LIN9: variants seen among roughly 807,000 people sequenced by gnomAD.
LIN9 encodes the protein lin-9 DREAM MuvB core complex component.
LIN9 carries 18 observed loss-of-function variants against 78.0 expected under a neutral mutation model. The ratio of observed to expected loss-of-function variants is 0.23; its 90% CI spans 0.16 to 0.34. The LOEUF is 0.34. LIN9 is among the 10% of genes least tolerant of loss of function. The pLI, the probability that LIN9 is intolerant of heterozygous loss-of-function variation, is 1.00. For synonymous variants in LIN9, 192 were observed against 215.2 expected, an observed-to-expected ratio of 0.89 and a Z score of 0.94; for missense variants, 451 against 644.1, an observed-to-expected ratio of 0.70 and a Z score of 3.25.
At position 226,286,381 on chromosome 1, in the gene LIN9, G is replaced by T; in HGVS notation, c.476C>A (p.Thr159Lys). ...CCGAATTTTTCCCCATTCTACTCTT[G>T]TTAACTTTCTTGTTTTCAAATTAGG... ...SFPNLKTRKLTRVEWGKIRRL... is the reference protein window; with the variant it reads ...SFPNLKTRKLKRVEWGKIRRL... Residue 159 changes from threonine to lysine, a missense_variant, in exon 6 of 15, where the codon ACA becomes AAA. Transcript: ENST00000681046. 6.2e-7 allele frequency: 1 copy of T among 1,612,462 alleles called. No individual in the cohort carries two copies. The highest frequency in any genetic ancestry group is 8.5e-7 in the Non-Finnish European group (1 of 1,179,484).
chr1:226,236,197 A>G (rs1309775192), intron 12 of LIN9, among the ~76,000 whole-genome samples: 1 of 151,964 alleles, frequency 6.6e-6, no homozygotes, highest in Non-Finnish European at 1.5e-5. Context: ...TGAAGCATAC[A>G]TAAATACATA....
chr1:226,236,886 T>C (rs1657754265), intron 12 of LIN9, among the ~76,000 whole-genome samples: 1 of 152,226 alleles, frequency 6.6e-6, no homozygotes, highest in Admixed American at 6.5e-5. Context: ...TATTAGTTGA[T>C]TGTAGTACTG....
intron 10 of LIN9, among the ~76,000 whole-genome samples, chr1:226,264,576 T>C (rs978306467): frequency 4.7e-4 from 71 of 152,258 alleles, no homozygotes; most frequent in African/African-American, 1.6e-3. Flanking sequence ...CCAGGTGCAG[T>C]AGCTCACACC....
At chr1:226,238,674 C>A (rs1657902351) in intron 12 of LIN9, among the ~76,000 whole-genome samples, 1 of 151,924 alleles carries the variant, frequency 6.6e-6, no homozygotes, top group African/African-American at 2.4e-5. Context: ...ACAATGACAA[C>A]AACAAAATTT....
intron 7 of LIN9, among the ~76,000 whole-genome samples, chr1:226,271,432 A>G (rs1660270485): frequency 6.6e-6 from 1 of 152,194 alleles, no homozygotes; most frequent in South Asian, 2.1e-4. Context: ...ATTAAATTCT[A>G]TTGTGGTCAG....
At chr1:226,287,994 GAC>G (rs1661482821) in intron 4 of LIN9, among the ~76,000 whole-genome samples, 197 bp from the exon 5 acceptor site, 1 of 135,162 alleles carries the variant, frequency 7.4e-6, no homozygotes, top group African/African-American at 2.9e-5. Flanking sequence ...TTTTTTTTTT[GAC>G]AGTCTTGCTC....
At chr1:226,306,354 G>C (rs1662917804) in intron 1 of LIN9, among the ~76,000 whole-genome samples, 1 of 152,096 alleles carries the variant, frequency 6.6e-6, no homozygotes, top group African/African-American at 2.4e-5. Flanking sequence ...GAAAGAGAGG[G>C]AAGTGCCAAA....
At chr1:226,242,695 T>G (rs559808462) in intron 11 of LIN9, among the ~76,000 whole-genome samples, 197 of 152,202 alleles carry the variant, frequency 1.3e-3, no homozygotes, top group Non-Finnish European at 2.4e-3. Context: ...GATGCAGACT[T>G]TTTCAAAAGT....
intron 7 of LIN9, among the ~76,000 whole-genome samples, chr1:226,272,396 T>G (rs75580231): frequency 5.9e-5 from 9 of 151,362 alleles, no homozygotes; most frequent in African/African-American, 2.2e-4. Context: ...TTTTTTTTTT[T>G]TGAGACAGAG....
intron 4 of LIN9, among the ~76,000 whole-genome samples, chr1:226,289,794 A>G (rs1287108502): frequency 2.3e-5 from 3 of 129,614 alleles, no homozygotes; most frequent in Non-Finnish European, 3.1e-5. Context: ...AAAAAGATGG[A>G]TTACCCAATA....
At chr1:226,266,673 ACTGT>A (rs1659935870) in intron 8 of LIN9, among the ~76,000 whole-genome samples, 1 of 152,086 alleles carries the variant, frequency 6.6e-6, no homozygotes, top group African/African-American at 2.4e-5. Context: ...CTGCATTTAG[ACTGT>A]CTGAATATAC....
chr1:226,297,869 C>A, intron 2 of LIN9, 56 bp from the exon 3 acceptor site: 1 of 867,190 alleles, frequency 1.2e-6, no homozygotes, highest in Non-Finnish European at 1.7e-6. Context: ...GGATTTCATA[C>A]CATGAATACT....
intron 12 of LIN9, among the ~76,000 whole-genome samples, chr1:226,235,780 T>C (rs1576269807): frequency 6.6e-6 from 1 of 152,204 alleles, no homozygotes; most frequent in Admixed American, 6.5e-5. Context: ...CTTGTATTTG[T>C]TGGGGAAACA....
At chr1:226,236,081 T>C (rs1657685656) in intron 12 of LIN9, among the ~76,000 whole-genome samples, 1 of 152,152 alleles carries the variant, frequency 6.6e-6, no homozygotes, top group African/African-American at 2.4e-5. Context: ...CCATAAATAG[T>C]CAGTTCCCTA....
Position 226,265,510 on chromosome 1 carries a change from A to G in LIN9, c.1038+23T>C. On this transcript the variant is annotated intron_variant, in intron 10 of 14. Transcript: ENST00000681046. The surrounding 1 kb of genome is among the most constrained non-coding windows in gnomAD (Gnocchi z 4.1). ...GCATTGAGTTTTTAAACAAACAGCC[A>G]AGATATTCAGAACAATTCTTACCAC... The G allele has an allele frequency of 6.9e-7, 1 of 1,456,668 alleles. No homozygotes were observed. The highest frequency in any genetic ancestry group is 1.7e-4 in the Middle Eastern group (1 of 5,726). The allele number at this position is 1,456,668 out of a possible 1,614,324, so 90.2% of individuals were successfully genotyped here. A position where few individuals can be genotyped will look rare whatever the true frequency, so the allele number is the denominator to read the frequency against.
chr1:226,293,673 A>C (rs1661937443), intron 4 of LIN9, among the ~76,000 whole-genome samples: 1 of 152,160 alleles, frequency 6.6e-6, no homozygotes, highest in African/African-American at 2.4e-5. Flanking sequence ...TCTGCCTCCC[A>C]GGTTCAAGTA....
chr1:226,252,945 G>GA (rs1031901035), intron 10 of LIN9, among the ~76,000 whole-genome samples: 3 of 151,866 alleles, frequency 2.0e-5, no homozygotes, highest in African/African-American at 7.3e-5. Context: ...CAGCCTGGGG[G>GA]ACAAGAGCGA....
At chr1:226,232,816 G>A (rs563789676) in intron 14 of LIN9, 18 of 499,598 alleles carry the variant, frequency 3.6e-5, no homozygotes, top group Admixed American at 1.1e-4. Flanking sequence ...GGGGCTGGAA[G>A]GAGAAGATGA....
chr1:226,280,187 C>T (rs1398764449), intron 6 of LIN9, among the ~76,000 whole-genome samples: 1 of 152,168 alleles, frequency 6.6e-6, no homozygotes, highest in African/African-American at 2.4e-5. Flanking sequence ...CACTTTCATG[C>T]CATGTTATGG....
Sources: allele counts gnomAD v4.1 joint callset (sites outside exome capture counted in the v4.1 genomes callset), GRCh38; gene constraint gnomAD v4.1.1; non-coding constraint Gnocchi (gnomAD v3.1); transcripts MANE v1.5; gene names NCBI Gene and HGNC (gene_info 2026-07-23, HGNC 2026-07-21).